The following MRTFA variants were observed in gnomAD, a reference collection of about 807,000 sequenced individuals.
The protein encoded by MRTFA is myocardin related transcription factor A.
MRTFA carries 20 observed loss-of-function variants against 83.5 expected under a neutral mutation model. That is an observed-to-expected ratio of 0.24 (90% CI 0.17 to 0.35). The LOEUF (loss-of-function observed/expected upper bound fraction) is 0.35. Among genes scored for constraint, MRTFA ranks in the 10% least tolerant of loss-of-function variants. The probability of loss-of-function intolerance (pLI) is 1.00; values close to 1 mark genes in which losing one functional copy is unlikely to be tolerated. For synonymous variants in MRTFA, 659 were observed against 541.2 expected, an observed-to-expected ratio of 1.22 and a Z score of -3.02; for missense variants, 1,200 against 1,224.7, an observed-to-expected ratio of 0.98 and a Z score of 0.30.
chr22:40,597,986 A>G (rs1000736143), intron 1 of MRTFA, among the ~76,000 whole-genome samples: 1 of 152,228 alleles, frequency 6.6e-6, no homozygotes, highest in Non-Finnish European at 1.5e-5. Flanking sequence ...GTATGAGCTC[A>G]ATCTTTTAGT....
rs1223985407 is a variant in MRTFA at position 40,418,924 on chromosome 22, G to A, written c.1814C>T (p.Ala605Val). ...CCCAGGGCTCAGGCAACAGGACCCG[G>A]CCCGGGGGCCCTCCTCCTTCACGAG... Residue 605 changes from alanine to valine, a missense_variant, in exon 12 of 15, where the codon GCC (alanine) becomes GTC (valine). Physicochemically the swap from Ala to Val is moderately conservative, Grantham distance 64 (BLOSUM62 0). Transcript: ENST00000355630. The A allele has an allele frequency of 2.5e-6, 4 of 1,612,680 alleles. No homozygotes were observed. The highest frequency in any genetic ancestry group is 3.4e-6 in the Non-Finnish European group (4 of 1,179,940).
intron 10 of MRTFA, 135 bp downstream of exon 10, chr22:40,420,712 C>A: frequency 1.3e-6 from 2 of 1,532,418 alleles, no homozygotes; most frequent in Admixed American, 1.8e-5. Flanking sequence ...GGTGGCCCTG[C>A]CTGCAGACCA....
chr22:40,626,536 T>TCC (rs1460540916), intron 1 of MRTFA, among the ~76,000 whole-genome samples: 2 of 152,092 alleles, frequency 1.3e-5, no homozygotes, highest in Admixed American at 1.3e-4. Context: ...CAAGCAATCC[T>TCC]CCCAAAGTAC....
At chr22:40,471,772 T>C (rs987654107) in intron 3 of MRTFA, among the ~76,000 whole-genome samples, 4 of 152,082 alleles carry the variant, frequency 2.6e-5, no homozygotes, top group Non-Finnish European at 5.9e-5. Flanking sequence ...CTCGGGAGGC[T>C]GAGGCAGGAA....
At chr22:40,632,195 A>T (rs937963068) in intron 1 of MRTFA, among the ~76,000 whole-genome samples, 1 of 152,190 alleles carries the variant, frequency 6.6e-6, no homozygotes, top group Non-Finnish European at 1.5e-5. Flanking sequence ...AGCCTGCACC[A>T]ACCTGCCAGC....
chr22:40,461,833 C>G (rs1416325377), intron 4 of MRTFA, among the ~76,000 whole-genome samples: 1 of 152,022 alleles, frequency 6.6e-6, no homozygotes, highest in Non-Finnish European at 1.5e-5. Flanking sequence ...CCAAATCCAC[C>G]TCCTCCATGT....
At chr22:40,519,585 T>C in intron 3 of MRTFA, 1 of 1,342,134 alleles carries the variant, frequency 7.5e-7, no homozygotes, top group South Asian at 1.2e-5. Context: ...ATCACGCTGA[T>C]TTGTTATACC....
intron 7 of MRTFA, among the ~76,000 whole-genome samples, chr22:40,427,731 C>T (rs2147087124): frequency 1.3e-5 from 2 of 152,294 alleles, no homozygotes; most frequent in South Asian, 4.2e-4. Flanking sequence ...AAGCCCCTTT[C>T]CACAACACCT....
intron 2 of MRTFA, among the ~76,000 whole-genome samples, chr22:40,591,011 T>C (rs771627101): frequency 1.3e-5 from 2 of 152,046 alleles, no homozygotes; most frequent in African/African-American, 4.8e-5. Context: ...GGCACGCGCC[T>C]GTAGTCCCAG....
At chr22:40,545,733 A>G (rs2055354461) in intron 3 of MRTFA, among the ~76,000 whole-genome samples, 2 of 137,208 alleles carry the variant, frequency 1.5e-5, no homozygotes, top group Non-Finnish European at 3.1e-5. Flanking sequence ...ACGCCCGGCC[A>G]TTTTTTTCTT....
In MRTFA at chr22:40,418,957, A is replaced by G; in HGVS notation, c.1781T>C (p.Leu594Pro). 1.2e-6 allele frequency: 2 copies of G among 1,612,884 alleles called. No homozygotes were observed. The highest frequency in any genetic ancestry group is 1.7e-6 in the Non-Finnish European group (2 of 1,179,948). Residue 594 changes from leucine (L) to proline (P), a missense_variant, in exon 12 of 15, where the codon CTG becomes CCG. This residue lies in a region of MRTFA where 1,107 missense variants were observed against 1,041.8 expected (regional missense o/e 1.06). Transcript: ENST00000355630. The stretch of plus-strand genomic sequence containing the variant: ...GCCCTCCTCCTTCACGAGGATCTGC[A>G]GTGGCGAGGCCTGCAGGGTCAGCTG...
Position 40,567,806 on chromosome 22 carries a change from T to C in MRTFA, c.-21-15439A>G, listed in dbSNP as rs191654809. 1.6e-3 allele frequency among the ~76,000 whole-genome samples: 238 copies of C among 152,294 alleles called. 3 individuals carry two copies. The highest frequency in any genetic ancestry group is 1.2e-3 in the South Asian group (6 of 4,826). On this transcript the variant is annotated intron_variant, in intron 2 of 14. Transcript: ENST00000355630. ...AGACATTTATAGTATTGTGCTTTGT[T>C]TTCACATGACAATGGGGCATTTGAA...
chr22:40,611,221 G>A (rs763895860), intron 1 of MRTFA, among the ~76,000 whole-genome samples: 3 of 152,066 alleles, frequency 2.0e-5, no homozygotes, highest in Non-Finnish European at 4.4e-5. Flanking sequence ...TTACAGGCGT[G>A]AGCCACTGCG....
rs150999789 is a variant in MRTFA, at chr22:40,410,935, T to TG, written c.*454_*455insC. The TG allele has an allele frequency of 0.14, 32,646 of 235,182 alleles. 3,462 individuals carry two copies. The highest frequency in any genetic ancestry group is 0.34 in the Admixed American group (6,057 of 17,798). The allele number at this position is 235,182 out of a possible 1,614,324, so 14.6% of individuals were successfully genotyped here. A position where few individuals can be genotyped will look rare whatever the true frequency, so the allele number is the denominator to read the frequency against. On this transcript the variant is annotated 3_prime_UTR_variant, in exon 15 of 15. Coordinates refer to ENST00000355630, the MANE Select transcript of MRTFA (RefSeq NM_020831.6). ...TCCTGGGGTTGGCAGACACAGGGAA[T>TG]AGGGGGTAGAGGCCCAGGCTAATTT...
chr22:40,547,308 A>G (rs577296122), intron 3 of MRTFA, among the ~76,000 whole-genome samples: 2 of 152,222 alleles, frequency 1.3e-5, no homozygotes, highest in African/African-American at 2.4e-5. Flanking sequence ...ACACAAACAC[A>G]CACATATACA....
chr22:40,521,638 A>C (rs573530166), intron 3 of MRTFA, among the ~76,000 whole-genome samples: 22 of 152,074 alleles, frequency 1.4e-4, no homozygotes, highest in African/African-American at 5.3e-4. Context: ...AGCTGGGACT[A>C]TGTGTGCCCG....
chr22:40,448,112 G>T (rs981287120), intron 4 of MRTFA, among the ~76,000 whole-genome samples: 12 of 152,112 alleles, frequency 7.9e-5, no homozygotes, highest in Non-Finnish European at 1.0e-4. Context: ...GAGATCAAGA[G>T]CATCCTGGCC....
intron 3 of MRTFA, among the ~76,000 whole-genome samples, chr22:40,529,385 C>T (rs1360288088): frequency 3.3e-5 from 5 of 152,128 alleles, no homozygotes; most frequent in Admixed American, 6.5e-5. Flanking sequence ...GGTGCGATCT[C>T]GGCTCACCGC....
intron 3 of MRTFA, among the ~76,000 whole-genome samples, chr22:40,504,569 T>C (rs373093778): frequency 1.3e-4 from 20 of 152,234 alleles, no homozygotes; most frequent in African/African-American, 4.8e-4. Context: ...CTAATATTTT[T>C]ATGAAAACAA....
Sources: gnomAD v4.1 joint callset for allele counts (sites outside exome capture counted in the v4.1 genomes callset) on GRCh38, gnomAD v4.1.1 for gene constraint, gnomAD v4.1.1 regional missense constraint, MANE v1.5 for transcripts, NCBI Gene and HGNC (gene_info 2026-07-23, HGNC 2026-07-21) for gene names.